GOLGB1: variants seen among roughly 807,000 people sequenced by gnomAD.
GOLGB1 encodes golgin subfamily B member 1.
GOLGB1 carries 174 observed loss-of-function variants against 336.9 expected under a neutral mutation model. That is an observed-to-expected ratio of 0.52 (90% CI 0.46 to 0.59). The LOEUF (loss-of-function observed/expected upper bound fraction) is 0.59. Ranked by LOEUF, GOLGB1 falls within the 20% of genes least tolerant of loss-of-function variation. The probability of loss-of-function intolerance (pLI) is 0.00; values close to 1 mark genes in which losing one functional copy is unlikely to be tolerated. For missense variants in GOLGB1, 3,331 were observed against 3,645.3 expected, an observed-to-expected ratio of 0.91 and a Z score of 2.22; for synonymous variants, 1,208 against 1,289.2, an observed-to-expected ratio of 0.94 and a Z score of 1.35.
intron 6 of GOLGB1, among the ~76,000 whole-genome samples, chr3:121,720,500 T>C (rs1472382882): frequency 6.6e-6 from 1 of 152,242 alleles, no homozygotes; most frequent in Non-Finnish European, 1.5e-5. Context: ...CCTTAAGATC[T>C]ATGGTGGAGC....
intron 17 of GOLGB1, among the ~76,000 whole-genome samples, chr3:121,671,952 A>G (rs1479281626): frequency 6.6e-6 from 1 of 151,886 alleles, no homozygotes; most frequent in Non-Finnish European, 1.5e-5. Context: ...AGTTCCATCT[A>G]TGTTGCCACA....
intron 17 of GOLGB1, among the ~76,000 whole-genome samples, chr3:121,672,926 C>A (rs1576270783): frequency 1.3e-5 from 2 of 152,278 alleles, no homozygotes; most frequent in East Asian, 1.9e-4. Flanking sequence ...TTGTCAAAGA[C>A]AAGTTGCCCC....
chr3:121,730,595 A>G (rs1946023063), intron 2 of GOLGB1, among the ~76,000 whole-genome samples: 1 of 152,206 alleles, frequency 6.6e-6, no homozygotes, highest in Non-Finnish European at 1.5e-5. Flanking sequence ...ATAGCCAAGG[A>G]TGAGAACAAA....
rs753941801 is a variant in GOLGB1, at chr3:121,690,945, G to A, written c.8419C>T (p.His2807Tyr). Residue 2807 changes from histidine (H) to tyrosine (Y), a missense_variant, in exon 14 of 22, where the codon CAC (histidine) becomes TAC (tyrosine). Physicochemically the swap from His to Tyr is moderately conservative, Grantham distance 83 (BLOSUM62 2). Coordinates refer to ENST00000614479, the MANE Select transcript of GOLGB1 (RefSeq NM_001366282.2). ...MNSTEENSLS[H>Y]LEKLNQQLLS... ...AGCTGTTGGTTAAGTTTCTCAAGGT[G>A]AGACAAGCTATTCTCCTCAGTGGAG... The A allele has an allele frequency of 3.7e-6, 6 of 1,613,960 alleles. No homozygotes were observed. In the African/African-American group the frequency reaches 4.0e-5, roughly 11 times the overall value.
At chr3:121,686,394 T>A (rs979997826) in intron 14 of GOLGB1, among the ~76,000 whole-genome samples, 3 of 152,232 alleles carry the variant, frequency 2.0e-5, no homozygotes, top group African/African-American at 7.2e-5. Context: ...ACCTTACTCC[T>A]GGTTTGATCT....
In GOLGB1 at chr3:121,727,042, C is replaced by A; in HGVS notation, c.403-1G>T. On this transcript the variant is annotated splice_acceptor_variant, in intron 4 of 21. Coordinates refer to ENST00000614479, the MANE Select transcript of GOLGB1 (RefSeq NM_001366282.2). LOFTEE classifies it high-confidence loss of function. The stretch of plus-strand genomic sequence containing the variant: ...CTTCCTCTGTAGAACTCTTGTCATG[C>A]TGAAAATGCAGGAGATAAAGTCATT... The A allele has an allele frequency of 6.5e-7, 1 of 1,536,780 alleles. No individual in the cohort carries two copies. The highest frequency in any genetic ancestry group is 8.9e-7 in the Non-Finnish European group (1 of 1,125,444).
chr3:121,703,963 A>G (rs558046184), intron 10 of GOLGB1, among the ~76,000 whole-genome samples: 1 of 152,252 alleles, frequency 6.6e-6, no homozygotes, highest in South Asian at 2.1e-4. Flanking sequence ...AAAATAATGA[A>G]CCAGTTTGAA....
intron 1 of GOLGB1, among the ~76,000 whole-genome samples, chr3:121,740,678 T>TA (rs1251692189): frequency 1.3e-5 from 2 of 152,178 alleles, no homozygotes; most frequent in East Asian, 1.9e-4. Flanking sequence ...TGTTTATTTT[T>TA]AAAAAATGTA....
chr3:121,692,398 G>C lies in GOLGB1; in HGVS notation c.6966C>G (p.Leu2322=). ...TACTTAAATCAGTCAACTGGTCTTT[G>C]AGACTCTTAAGTTCTGATTCCAACT... is the stretch of plus-strand genomic sequence containing the variant. ...LAKLESELKS[L]KDQLTDLSNS... Residue 2322 remains leucine (L), a synonymous_variant, in exon 14 of 22, where the codon CTC becomes CTG. Transcript: ENST00000614479. 2 of 1,612,398 alleles carry C rather than the reference G, an allele frequency of 1.2e-6. No homozygotes were observed. The highest frequency in any genetic ancestry group is 1.7e-6 in the Non-Finnish European group (2 of 1,179,606).
At chr3:121,682,717 G>C (rs559634018) in intron 14 of GOLGB1, among the ~76,000 whole-genome samples, 10 of 152,244 alleles carry the variant, frequency 6.6e-5, no homozygotes, top group Non-Finnish European at 1.2e-4. Flanking sequence ...CACCCACTTA[G>C]AGACATCGCT....
intron 1 of GOLGB1, among the ~76,000 whole-genome samples, chr3:121,734,392 GAAAAAAAA>G (rs34906801): frequency 1.9e-5 from 2 of 107,254 alleles, no homozygotes; most frequent in Non-Finnish European, 3.5e-5. Context: ...TCTGTCTCGG[GAAAAAAAA>G]AAAAAAAAAA....
intron 17 of GOLGB1, among the ~76,000 whole-genome samples, chr3:121,670,310 T>A (rs1438952638): frequency 6.6e-6 from 1 of 152,212 alleles, no homozygotes; most frequent in Non-Finnish European, 1.5e-5. Flanking sequence ...ACCAGTTGCA[T>A]GTTCAATTTT....
chr3:121,739,984 A>G (rs1946739730), intron 1 of GOLGB1, among the ~76,000 whole-genome samples: 1 of 152,244 alleles, frequency 6.6e-6, no homozygotes, highest in Admixed American at 6.5e-5. Flanking sequence ...ATACAATTCC[A>G]TACTTCTATA....
rs760046117 is a variant in GOLGB1 at position 121,667,463 on chromosome 3, C to T, written c.9554+13G>A. On this transcript the variant is annotated intron_variant, in intron 20 of 21. Coordinates refer to ENST00000614479, the MANE Select transcript of GOLGB1 (RefSeq NM_001366282.2). ...ATCGGAAGGGAACAGAGGCTATCTC[C>T]TTCAGCCTTTACCGTCTGATCTGCT... 1.2e-6 allele frequency: 2 copies of T among 1,612,440 alleles called. No individual in the cohort carries two copies. Among genetic ancestry groups the T allele is most frequent in the Non-Finnish European group, 1.7e-6 (2 of 1,178,770 alleles).
rs373673263 is a variant in GOLGB1, at chr3:121,696,196, C to A, written c.4327G>T (p.Ala1443Ser). 6 of 1,613,972 alleles carry A rather than the reference C, an allele frequency of 3.7e-6. No individual in the cohort carries two copies. The highest frequency in any genetic ancestry group is 5.1e-6 in the Non-Finnish European group (6 of 1,179,930). Residue 1443 changes from alanine (A) to serine (S), a missense_variant, in exon 13 of 22, where the codon GCT (alanine) becomes TCT (serine). Transcript: ENST00000614479. ...TGCATTTCTAGCTGTGTATGCAGAG[C>A]CTTAATTAAATCTTCTTGTTCTATT... ...EIIEQEDLIK[A>S]LHTQLEMQAK...
chr3:121,700,020 G>T, intron 11 of GOLGB1, 135 bp from the exon 12 acceptor site: 1 of 576,334 alleles, frequency 1.7e-6, no homozygotes, highest in Non-Finnish European at 3.1e-6. Context: ...AGAGGTGAAA[G>T]CCTTATTAAA....
At chr3:121,665,075 G>C (rs1005638677) in intron 20 of GOLGB1, 44 bp from the exon 21 acceptor site, 1 of 1,082,424 alleles carries the variant, frequency 9.2e-7, no homozygotes. Context: ...TTCATAGCAT[G>C]AGAGGCTGAT....
chr3:121,729,771 C>T, intron 3 of GOLGB1, 94 bp downstream of exon 3: 2 of 928,018 alleles, frequency 2.2e-6, no homozygotes, highest in Non-Finnish European at 3.3e-6. Context: ...AATCAGATTC[C>T]CTAATAATCT....
intron 1 of GOLGB1, among the ~76,000 whole-genome samples, chr3:121,744,618 CAAA>C (rs200070177): frequency 1.0e-4 from 6 of 59,958 alleles, no homozygotes; most frequent in Admixed American, 2.0e-4. Flanking sequence ...GACCTTGTCT[CAAA>C]AAAAAAAAAA....
Sources: allele counts gnomAD v4.1 joint callset (sites outside exome capture counted in the v4.1 genomes callset), GRCh38; gene constraint gnomAD v4.1.1; transcripts MANE v1.5; gene names NCBI Gene and HGNC (gene_info 2026-07-23, HGNC 2026-07-21).